The following ELP3 variants were observed in gnomAD, a reference collection of about 807,000 sequenced individuals.
The protein encoded by ELP3 is elongator acetyltransferase complex subunit 3.
Under a neutral mutation model 74.9 loss-of-function variants are expected in ELP3, and 56 were observed. That is an observed-to-expected ratio of 0.75 (90% CI 0.60 to 0.93). ELP3 has a LOEUF of 0.93. ELP3 is among the 40% of genes least tolerant of loss of function. ELP3 has a pLI of 0.00. For missense variants in ELP3, 573 were observed against 686.5 expected (o/e 0.83, Z 1.85); for synonymous variants, 222 against 239.8 (o/e 0.93, Z 0.68).
chr8:28,176,157 G>C (rs986948355), intron 14 of ELP3, among the ~76,000 whole-genome samples: 8 of 152,044 alleles, frequency 5.3e-5, no homozygotes, highest in Non-Finnish European at 1.0e-4. Context: ...CAAAGTCTGA[G>C]TGTTCTTCAT....
At chr8:28,124,891 G>A (rs1262720990) in intron 7 of ELP3, among the ~76,000 whole-genome samples, 1 of 152,078 alleles carries the variant, frequency 6.6e-6, no homozygotes, top group Non-Finnish European at 1.5e-5. Flanking sequence ...TGTTGGGCGT[G>A]GTTAATTTAT....
chr8:28,097,439 G>T (rs112023599), intron 2 of ELP3, 121 bp downstream of exon 2: 44 of 611,718 alleles, frequency 7.2e-5, no homozygotes, highest in African/African-American at 6.6e-4. Flanking sequence ...TTAGCTTTCT[G>T]CCTTGCCTTG....
At chr8:28,105,132 A>G (rs1165623686) in intron 3 of ELP3, among the ~76,000 whole-genome samples, 1 of 152,128 alleles carries the variant, frequency 6.6e-6, no homozygotes, top group Admixed American at 6.5e-5. Context: ...CTGTAATCCC[A>G]GCACTTTGGA....
intron 8 of ELP3, among the ~76,000 whole-genome samples, chr8:28,130,771 G>T (rs886739457): frequency 4.6e-5 from 7 of 152,174 alleles, no homozygotes; most frequent in African/African-American, 1.7e-4. Flanking sequence ...GAAGATTGAG[G>T]CAGAAAGAAA....
At chr8:28,121,313 T>G (rs955740849) in intron 7 of ELP3, among the ~76,000 whole-genome samples, 9 of 149,502 alleles carry the variant, frequency 6.0e-5, no homozygotes, top group African/African-American at 2.2e-4. Flanking sequence ...AATTTTATTA[T>G]TATTATTATT....
At chr8:28,155,430 C>A (rs1226263192) in intron 10 of ELP3, among the ~76,000 whole-genome samples, 1 of 152,148 alleles carries the variant, frequency 6.6e-6, no homozygotes, top group African/African-American at 2.4e-5. Flanking sequence ...AATGCACAGT[C>A]ACTTTTAACT....
chr8:28,160,914 C>T (rs376448280), intron 13 of ELP3, among the ~76,000 whole-genome samples: 32 of 152,110 alleles, frequency 2.1e-4, no homozygotes, highest in African/African-American at 7.7e-4. Context: ...AGGCTAGTCT[C>T]GAACTCCTGA....
At chr8:28,148,565 G>A (rs1289436629) in intron 10 of ELP3, among the ~76,000 whole-genome samples, 1 of 152,180 alleles carries the variant, frequency 6.6e-6, no homozygotes, top group Non-Finnish European at 1.5e-5. Flanking sequence ...TGGTGTTAGC[G>A]ATAGGCATTT....
intron 10 of ELP3, among the ~76,000 whole-genome samples, chr8:28,152,380 T>C (rs1813673611): frequency 6.6e-6 from 1 of 152,248 alleles, no homozygotes; most frequent in Non-Finnish European, 1.5e-5. Context: ...AGATACATGA[T>C]TTACATATAT....
chr8:28,167,232 A>T (rs538535567), intron 14 of ELP3, among the ~76,000 whole-genome samples: 1 of 152,308 alleles, frequency 6.6e-6, no homozygotes, highest in East Asian at 1.9e-4. Flanking sequence ...CTAAAACTAC[A>T]TCACAGTGCC....
chr8:28,122,440 A>G (rs1367673686), intron 7 of ELP3, among the ~76,000 whole-genome samples: 1 of 152,168 alleles, frequency 6.6e-6, no homozygotes, highest in Non-Finnish European at 1.5e-5. Flanking sequence ...AATTTTCTTT[A>G]TGGGAGGGTT....
chr8:28,139,439 A>G (rs1238390798), intron 10 of ELP3, among the ~76,000 whole-genome samples: 1 of 152,140 alleles, frequency 6.6e-6, no homozygotes, highest in African/African-American at 2.4e-5. Context: ...ATAAGTGTAA[A>G]TGTAATGAAT....
At chr8:28,138,936 G>GT (rs1563268378) in intron 10 of ELP3, among the ~76,000 whole-genome samples, 1 of 152,166 alleles carries the variant, frequency 6.6e-6, no homozygotes, top group African/African-American at 2.4e-5. Context: ...GAAATTGCTT[G>GT]TGTGGCCCTT....
intron 14 of ELP3, among the ~76,000 whole-genome samples, chr8:28,175,324 T>C (rs892498665): frequency 2.0e-5 from 3 of 152,176 alleles, no homozygotes; most frequent in Non-Finnish European, 4.4e-5. Flanking sequence ...CTACATTTTT[T>C]CTTTCTGCTC....
chr8:28,157,900 C>G (rs1442195536), intron 11 of ELP3, among the ~76,000 whole-genome samples: 4 of 152,102 alleles, frequency 2.6e-5, no homozygotes, highest in Non-Finnish European at 4.4e-5. Flanking sequence ...TCCATGCCTT[C>G]TCAGATATTC....
At position 28,156,130 on chromosome 8, in the gene ELP3, C is replaced by T. The variant is rs1412300010; in HGVS notation, c.1191+98C>T. The T allele has an allele frequency of 5.6e-5, 52 of 936,514 alleles. 1 individual carries two copies. The highest frequency in any genetic ancestry group is 3.8e-4 in the South Asian group (27 of 71,338). The allele number at this position is 936,514 out of a possible 1,614,324, so 58.0% of individuals were successfully genotyped here. ...ACTACCACCCCTAAAACCAGACTTGCGGGTCAGGTCAGAAAGCTCCCAGAT... is the reference window on the plus strand; with the variant it reads ...ACTACCACCCCTAAAACCAGACTTGTGGGTCAGGTCAGAAAGCTCCCAGAT... On this transcript the variant is annotated intron_variant, in intron 11 of 14. Coordinates refer to ENST00000256398, the MANE Select transcript of ELP3 (RefSeq NM_018091.6).
chr8:28,151,745 G>T (rs769372191), intron 10 of ELP3, among the ~76,000 whole-genome samples: 19 of 152,176 alleles, frequency 1.2e-4, no homozygotes, highest in Non-Finnish European at 8.8e-5. Flanking sequence ...CCCCAGGTCA[G>T]TTAGGCTCTG....
At chr8:28,183,206 T>C (rs1563293489) in intron 14 of ELP3, 1 of 462,152 alleles carries the variant, frequency 2.2e-6, no homozygotes. Context: ...GTGGATGTCC[T>C]GGGGCAGAGG....
rs1327208541 is a variant in ELP3 at position 28,160,299 on chromosome 8, A to G, written c.1328A>G (p.Asp443Gly). 2 of 1,614,184 alleles carry G rather than the reference A, an allele frequency of 1.2e-6. No homozygotes were observed. The highest frequency in any genetic ancestry group is 2.7e-5 in the African/African-American group (2 of 75,048). ...WETFLSYEDP[D>G]QDILIGLLRL... The stretch of plus-strand genomic sequence containing the variant: ...ACATTCTTGTCATACGAAGACCCAG[A>G]TCAAGACATTTTGATTGGCCTCCTA... The change falls in exon 13 of 15, where the codon GAT becomes GGT. Residue 443 changes from aspartate (D) to glycine (G), a missense_variant. By Grantham distance (94) the Asp-to-Gly change is moderately conservative. Coordinates refer to ENST00000256398, the MANE Select transcript of ELP3 (RefSeq NM_018091.6).
Sources: allele counts gnomAD v4.1 joint callset (sites outside exome capture counted in the v4.1 genomes callset), GRCh38; gene constraint gnomAD v4.1.1; transcripts MANE v1.5; gene names NCBI Gene and HGNC (gene_info 2026-07-23, HGNC 2026-07-21).